The following SLC35F4 variants were observed in gnomAD, a reference collection of about 807,000 sequenced individuals.
The protein encoded by SLC35F4 is chromosome 14 open reading frame 36.
Under a neutral mutation model 44.2 loss-of-function variants are expected in SLC35F4, and 24 were observed. The observed-to-expected ratio is 0.54, with a 90% confidence interval of 0.39 to 0.76. SLC35F4 has a LOEUF of 0.76. Ranked by LOEUF, SLC35F4 falls within the 30% of genes least tolerant of loss-of-function variation. The probability of loss-of-function intolerance (pLI) is 0.00; values close to 1 mark genes in which losing one functional copy is unlikely to be tolerated. For synonymous variants in SLC35F4, 238 were observed against 223.6 expected, an observed-to-expected ratio of 1.06 and a Z score of -0.57; for missense variants, 562 against 586.1, an observed-to-expected ratio of 0.96 and a Z score of 0.42.
At chr14:57,719,180 G>A (rs896639003) in intron 1 of SLC35F4, among the ~76,000 whole-genome samples, 1 of 152,076 alleles carries the variant, frequency 6.6e-6, no homozygotes, top group African/African-American at 2.4e-5. Flanking sequence ...TCTCTATTCT[G>A]CTTCATTGGT....
intron 1 of SLC35F4, among the ~76,000 whole-genome samples, chr14:57,832,722 T>C (rs1032579351): frequency 2.6e-5 from 4 of 152,108 alleles, no homozygotes; most frequent in Non-Finnish European, 4.4e-5. Flanking sequence ...GTTCTGGCTC[T>C]ACAAATGAGA....
chr14:57,938,760 T>C (rs1282198868), intron 1 of SLC35F4, among the ~76,000 whole-genome samples: 2 of 152,152 alleles, frequency 1.3e-5, no homozygotes, highest in Admixed American at 6.5e-5. Flanking sequence ...GCTACTGCTA[T>C]GTAAACCATG....
At chr14:57,609,957 G>A (rs1324752040) in intron 1 of SLC35F4, among the ~76,000 whole-genome samples, 1 of 152,182 alleles carries the variant, frequency 6.6e-6, no homozygotes, top group South Asian at 2.1e-4. Flanking sequence ...ACTATAGAAA[G>A]GAGCTGCTAT....
chr14:57,761,404 G>C (rs539118283), intron 1 of SLC35F4, among the ~76,000 whole-genome samples: 22 of 152,186 alleles, frequency 1.4e-4, no homozygotes, highest in African/African-American at 5.1e-4. Flanking sequence ...AAGGGATAAA[G>C]AATGATAATG....
At chr14:57,864,222 A>C (rs1250305429) in intron 1 of SLC35F4, among the ~76,000 whole-genome samples, 1 of 152,184 alleles carries the variant, frequency 6.6e-6, no homozygotes, top group East Asian at 1.9e-4. Context: ...TTTCCACAAG[A>C]TATATTAGTT....
intron 1 of SLC35F4, among the ~76,000 whole-genome samples, chr14:57,608,466 C>CA (rs2071292894): frequency 2.0e-5 from 3 of 151,986 alleles, no homozygotes; most frequent in South Asian, 4.2e-4. Context: ...CAAAGATTGC[C>CA]AAAAAATCAC....
intron 7 of SLC35F4, among the ~76,000 whole-genome samples, chr14:57,565,198 G>C (rs763421221): frequency 1.3e-5 from 2 of 152,148 alleles, no homozygotes; most frequent in Non-Finnish European, 2.9e-5. Context: ...AAACATTTGC[G>C]TATGAGGATA....
At position 57,649,941 on chromosome 14, in the gene SLC35F4, C is replaced by T. The variant is rs573146829; in HGVS notation, c.104-55817G>A. The stretch of plus-strand genomic sequence containing the variant: ...ATGCACCCCATGTCTCAACGCCTTC[C>T]TTCATCTCCCTTTCCTTTCAGAAGC... On this transcript the variant is annotated intron_variant, in intron 1 of 7. Coordinates refer to ENST00000556826, the MANE Select transcript of SLC35F4 (RefSeq NM_001306087.2). Among the ~76,000 whole-genome samples, 22 of 152,170 alleles carry T rather than the reference C, an allele frequency of 1.4e-4. No individual in the cohort carries two copies. The South Asian group carries it at 4.6e-3, about 32-fold the overall frequency.
intron 2 of SLC35F4, among the ~76,000 whole-genome samples, chr14:57,590,045 C>T (rs901718497): frequency 2.6e-5 from 4 of 151,174 alleles, no homozygotes; most frequent in African/African-American, 9.7e-5. Flanking sequence ...ACATGAAAAG[C>T]GAGTGAGAAA....
chr14:57,892,032 G>C (rs1888781527), intron 1 of SLC35F4, among the ~76,000 whole-genome samples: 1 of 152,114 alleles, frequency 6.6e-6, no homozygotes, highest in Non-Finnish European at 1.5e-5. Context: ...ATAATTCCAA[G>C]AGCTTTGAAA....
At chr14:57,669,105 A>G (rs1031055926) in intron 1 of SLC35F4, among the ~76,000 whole-genome samples, 2 of 151,954 alleles carry the variant, frequency 1.3e-5, no homozygotes, top group East Asian at 1.9e-4. Context: ...GTGAATGGGA[A>G]TCCACTCATG....
Position 57,600,494 on chromosome 14 carries a change from C to T in SLC35F4, c.104-6370G>A, listed in dbSNP as rs566694230. Among the ~76,000 whole-genome samples the T allele has an allele frequency of 7.1e-4, 107 of 150,492 alleles. No homozygotes were observed. In the South Asian group the frequency reaches 0.013, roughly 19 times the overall value. On this transcript the variant is annotated intron_variant, in intron 1 of 7. Transcript: ENST00000556826. ...GATCACGAGGTCAGGAGATCGAGAC[C>T]ATCCCGGCTAAAACGGTGAAACCCC...
At chr14:57,915,300 C>T (rs908882452) in intron 1 of SLC35F4, among the ~76,000 whole-genome samples, 15 of 152,094 alleles carry the variant, frequency 9.9e-5, no homozygotes, top group Admixed American at 2.0e-4. Context: ...GTCTTCAGGG[C>T]GTTTCTCCCA....
intron 1 of SLC35F4, among the ~76,000 whole-genome samples, chr14:57,950,772 A>G (rs1168502848): frequency 1.3e-5 from 2 of 149,898 alleles, no homozygotes; most frequent in Non-Finnish European, 2.9e-5. Flanking sequence ...AGGTTAAAGC[A>G]ATTCTCCTCC....
At chr14:57,836,662 T>C (rs141159162) in intron 1 of SLC35F4, among the ~76,000 whole-genome samples, 183 of 149,368 alleles carry the variant, frequency 1.2e-3, no homozygotes, top group African/African-American at 3.9e-3. Flanking sequence ...AATAGTATAA[T>C]TAATCTACAT....
At chr14:57,590,202 CAAGA>C (rs1048614685) in intron 2 of SLC35F4, among the ~76,000 whole-genome samples, 1 of 102,120 alleles carries the variant, frequency 9.8e-6, no homozygotes, top group Non-Finnish European at 2.0e-5. Context: ...CCAGCTTGGC[CAAGA>C]AAGAGAGACC....
chr14:57,653,032 A>C (rs1224538034), intron 1 of SLC35F4, among the ~76,000 whole-genome samples: 1 of 152,226 alleles, frequency 6.6e-6, no homozygotes, highest in Admixed American at 6.5e-5. Flanking sequence ...CTTAGGTTAC[A>C]AGCAACCCCT....
chr14:57,720,378 AT>A (rs1487118099), intron 1 of SLC35F4, among the ~76,000 whole-genome samples: 3 of 151,900 alleles, frequency 2.0e-5, no homozygotes, highest in African/African-American at 7.3e-5. Flanking sequence ...TTCCTCCTCT[AT>A]TTTTCAGAAC....
At chr14:57,776,944 A>C (rs2077504314) in intron 1 of SLC35F4, among the ~76,000 whole-genome samples, 2 of 152,228 alleles carry the variant, frequency 1.3e-5, no homozygotes. Flanking sequence ...CTCCTGAAAG[A>C]AGCACTAAAT....
Sources: gnomAD v4.1 joint callset for allele counts (sites outside exome capture counted in the v4.1 genomes callset) on GRCh38, gnomAD v4.1.1 for gene constraint, MANE v1.5 for transcripts, NCBI Gene and HGNC (gene_info 2026-07-23, HGNC 2026-07-21) for gene names.